The following BRD4 variants were observed in gnomAD, a reference collection of about 807,000 sequenced individuals.
BRD4 encodes the protein bromodomain-containing protein 4.
Under a neutral mutation model 142.1 loss-of-function variants are expected in BRD4, and 16 were observed. The ratio of observed to expected loss-of-function variants is 0.11; its 90% CI spans 0.08 to 0.17. BRD4 has a LOEUF of 0.17. BRD4 is among the 10% of genes least tolerant of loss of function. The pLI is 1.00. For missense variants in BRD4, 1,424 were observed against 1,810.9 expected (o/e 0.79, Z 3.88); for synonymous variants, 833 against 707.5 (o/e 1.18, Z -2.82).
intron 4 of BRD4, 99 bp downstream of exon 4, chr19:15,267,314 TATA>T: frequency 7.0e-7 from 1 of 1,421,522 alleles, no homozygotes; most frequent in South Asian, 1.3e-5. Context: ...GCATGCAGTA[TATA>T]ATGTCACATC....
chr19:15,257,635 G>A (rs1304984685), intron 7 of BRD4, among the ~76,000 whole-genome samples: 5 of 152,146 alleles, frequency 3.3e-5, no homozygotes, highest in Admixed American at 6.5e-5. Flanking sequence ...AGAGGTCCCC[G>A]GTGGGAATGT....
intron 1 of BRD4, among the ~76,000 whole-genome samples, chr19:15,309,091 C>T (rs2047943115): frequency 1.3e-5 from 2 of 151,658 alleles, no homozygotes; most frequent in Non-Finnish European, 2.9e-5. Context: ...AATCCCAGCA[C>T]TTTGGGAGGC....
At chr19:15,245,156 T>A (rs540507091) in intron 11 of BRD4, among the ~76,000 whole-genome samples, 2 of 152,114 alleles carry the variant, frequency 1.3e-5, no homozygotes, top group Admixed American at 6.5e-5. Flanking sequence ...ATGGTTGCAA[T>A]GGTCACATTC....
chr19:15,313,187 C>T (rs956395934), intron 1 of BRD4, among the ~76,000 whole-genome samples: 15 of 149,680 alleles, frequency 1.0e-4, no homozygotes, highest in Non-Finnish European at 1.8e-4. Flanking sequence ...CTGGCTAACA[C>T]GGTGAAACCC....
intron 9 of BRD4, 49 bp from the exon 10 acceptor site, chr19:15,255,641 G>A: frequency 6.5e-7 from 1 of 1,543,086 alleles, no homozygotes; most frequent in African/African-American, 1.4e-5. Context: ...CCCTGAGGAA[G>A]CCAGGCACTC....
intron 1 of BRD4, among the ~76,000 whole-genome samples, chr19:15,315,860 C>T (rs929305343): frequency 9.3e-5 from 14 of 150,162 alleles, no homozygotes; most frequent in Admixed American, 2.7e-4. Flanking sequence ...AAAAGCACCT[C>T]AAGACCGAGA....
At chr19:15,307,490 G>A (rs1426709752) in intron 1 of BRD4, among the ~76,000 whole-genome samples, 1 of 152,180 alleles carries the variant, frequency 6.6e-6, no homozygotes, top group Non-Finnish European at 1.5e-5. Flanking sequence ...CTGTGCACCT[G>A]CTTAGGTAGT....
At chr19:15,291,907 G>A (rs192833998) in intron 1 of BRD4, among the ~76,000 whole-genome samples, 2 of 152,276 alleles carry the variant, frequency 1.3e-5, no homozygotes, top group East Asian at 1.9e-4. Flanking sequence ...TGAGTCAAAC[G>A]AAGGTTCAGT....
chr19:15,252,172 A>T (rs1211228208), intron 11 of BRD4, among the ~76,000 whole-genome samples: 5 of 152,174 alleles, frequency 3.3e-5, no homozygotes, highest in Non-Finnish European at 7.3e-5. Context: ...AAAGCAGAGG[A>T]GCCCAGAAGA....
chr19:15,239,142 C>T lies in BRD4; in HGVS notation c.3699G>A (p.Glu1233=). Residue 1233 remains glutamate (E), a synonymous_variant, in exon 18 of 20, where the codon GAG becomes GAA. Coordinates refer to ENST00000679869, the MANE Select transcript of BRD4 (RefSeq NM_001379291.1). This position sits in a 1 kb window ranked among gnomAD's most constrained non-coding sequence, Gnocchi z 7.4. ...SFEQFRRAAR[E]KEEREKALKA... is the part of the protein sequence containing the mutation. The stretch of plus-strand genomic sequence containing the variant: ...TCAGGGCCTTCTCACGCTCCTCTTT[C>T]TCCCGAGCGGCGCGGCGGAACTGCT... 6.2e-7 allele frequency: 1 copy of T among 1,611,904 alleles called. No individual in the cohort carries two copies. Among genetic ancestry groups the T allele is most frequent in the Non-Finnish European group, 8.5e-7 (1 of 1,179,858 alleles).
rs2145625511 is a variant in BRD4 at position 15,273,060 on chromosome 19, G to C, written c.40C>G (p.Leu14Val). The change falls in exon 2 of 20, where the codon CTG becomes GTG. Residue 14 changes from leucine (L) to valine (V), a missense_variant. Coordinates refer to ENST00000679869, the MANE Select transcript of BRD4 (RefSeq NM_001379291.1). Reference sequence around the variant, plus strand: ...TCTAGTCCATCCCCCATTACTGGCAGATTTCTCAATCTCGTCCCAGGGCCG... The same window carrying C: ...TCTAGTCCATCCCCCATTACTGGCACATTTCTCAATCTCGTCCCAGGGCCG... The part of the protein sequence containing the change: ...ESGPGTRLRN[L>V]PVMGDGLETS... 1 of 1,610,502 alleles carries C rather than the reference G, an allele frequency of 6.2e-7. No homozygotes were observed. Among genetic ancestry groups the C allele is most frequent in the East Asian group, 2.2e-5 (1 of 44,800 alleles).
chr19:15,278,186 G>A (rs531126685), intron 1 of BRD4, among the ~76,000 whole-genome samples: 1 of 147,880 alleles, frequency 6.8e-6, no homozygotes, highest in East Asian at 2.0e-4. Flanking sequence ...CATCCAACCT[G>A]GTTCTAAGGT....
chr19:15,327,149 G>A (rs1326842210), intron 1 of BRD4, among the ~76,000 whole-genome samples: 1 of 152,236 alleles, frequency 6.6e-6, no homozygotes, highest in East Asian at 1.9e-4. Context: ...AAACATCAAT[G>A]CCATTAAAAA....
At chr19:15,253,894 T>A in intron 11 of BRD4, 1 of 960,098 alleles carries the variant, frequency 1.0e-6, no homozygotes, top group Non-Finnish European at 1.5e-6. Flanking sequence ...TCAACGCCCT[T>A]GGCCATTCAT....
chr19:15,291,368 T>C (rs1434723671), intron 1 of BRD4, among the ~76,000 whole-genome samples: 1 of 152,174 alleles, frequency 6.6e-6, no homozygotes, highest in African/African-American at 2.4e-5. Context: ...CACAAAGACA[T>C]CTGCCCTTGT....
At chr19:15,285,560 A>ATGGGG (rs1362047396) in intron 1 of BRD4, among the ~76,000 whole-genome samples, 752 of 151,984 alleles carry the variant, frequency 4.9e-3, no homozygotes, top group African/African-American at 0.017. Flanking sequence ...GTGAGACCCC[A>ATGGGG]TCTCAAAAAA....
Position 15,263,589 on chromosome 19 carries a change from T to C in BRD4, c.1213-41A>G, listed in dbSNP as rs201460901. 1.4e-5 allele frequency: 22 copies of C among 1,608,116 alleles called. No homozygotes were observed. In the East Asian group the frequency reaches 3.4e-4, roughly 25 times the overall value. On this transcript the variant is annotated intron_variant, in intron 6 of 19. Transcript: ENST00000679869. ...AGTCCCTGTTAGCTGTGTCTGCCCA[T>C]GTGACCATGGAGAAGTGGCTGGCAG...
Position 15,239,747 on chromosome 19 carries a change from G to A in BRD4, c.3357C>T (p.Ile1119=), listed in dbSNP as rs747411770. 1.2e-6 allele frequency: 2 copies of A among 1,608,884 alleles called. No individual in the cohort carries two copies. Among genetic ancestry groups the A allele is most frequent in the East Asian group, 2.2e-5 (1 of 44,842 alleles). ...VVKEEKIHSP[I]IRSEPFSPSL... is the part of the protein sequence containing the mutation. Reference sequence around the variant, plus strand: ...AGGGGCTGAAGGGCTCGCTGCGGATGATGGGTGAGTGGATCTTCTCCTCCT... The same window carrying A: ...AGGGGCTGAAGGGCTCGCTGCGGATAATGGGTGAGTGGATCTTCTCCTCCT... Residue 1119 remains isoleucine, a synonymous_variant, in exon 16 of 20, where the codon ATC becomes ATT. Transcript: ENST00000679869. The surrounding 1 kb of genome is among the most constrained non-coding windows in gnomAD (Gnocchi z 7.4).
At chr19:15,281,161 G>A (rs914107181) in intron 1 of BRD4, among the ~76,000 whole-genome samples, 13 of 152,252 alleles carry the variant, frequency 8.5e-5, no homozygotes, top group Non-Finnish European at 5.9e-5. Context: ...GCCAGTGGCC[G>A]TGCGCCGAGG....
Sources: gnomAD v4.1 joint callset for allele counts (sites outside exome capture counted in the v4.1 genomes callset) on GRCh38, gnomAD v4.1.1 for gene constraint, Gnocchi (gnomAD v3.1) non-coding constraint, MANE v1.5 for transcripts, NCBI Gene and HGNC (gene_info 2026-07-23, HGNC 2026-07-21) for gene names.